The following MND1 variants were observed in gnomAD, a reference collection of about 807,000 sequenced individuals.
The protein encoded by MND1 is meiotic nuclear divisions 1.
In MND1, 28 loss-of-function variants were observed where a neutral mutation model predicts 35.1. That is an observed-to-expected ratio of 0.80 (90% CI 0.59 to 1.09). MND1 has a LOEUF of 1.09. MND1 is among the 50% of genes least tolerant of loss of function. The pLI, the probability that MND1 is intolerant of heterozygous loss-of-function variation, is 0.00. For missense variants in MND1, 213 were observed against 239.6 expected, an observed-to-expected ratio of 0.89 and a Z score of 0.73; for synonymous variants, 69 against 70.5, an observed-to-expected ratio of 0.98 and a Z score of 0.11.
chr4:153,363,396 G>C (rs1773546428), intron 4 of MND1, among the ~76,000 whole-genome samples: 1 of 152,048 alleles, frequency 6.6e-6, no homozygotes, highest in South Asian at 2.1e-4. Context: ...ATTTTTGGTA[G>C]AGACAGGGTT....
At position 153,358,548 on chromosome 4, in the gene MND1, TC is replaced by T. The variant is rs1303182237; in HGVS notation, c.203del (p.Ser68LeufsTer56). On this transcript the variant is annotated frameshift_variant, in exon 4 of 8. Coordinates refer to ENST00000240488, the MANE Select transcript of MND1 (RefSeq NM_032117.4). LOFTEE classifies it high-confidence loss of function. ...GMVDCERIGT[S>X]NYYWAFPSKA... is the part of the protein sequence containing the mutation. ...GGTTGACTGTGAGAGGATCGGAACT[TC>T]TAATTATTATTGGGCTTTTCCAAGT... 6.2e-7 allele frequency: 1 copy of T among 1,613,704 alleles called. No individual in the cohort carries two copies. The highest frequency in any genetic ancestry group is 1.7e-5 in the Admixed American group (1 of 60,002).
intron 4 of MND1, among the ~76,000 whole-genome samples, chr4:153,373,373 G>C (rs1039903222): frequency 6.6e-6 from 1 of 152,086 alleles, no homozygotes; most frequent in African/African-American, 2.4e-5. Context: ...GCATTTCTTG[G>C]TTGACTTCAG....
At chr4:153,400,408 G>GC (rs1272052148) in intron 6 of MND1, among the ~76,000 whole-genome samples, 18 of 151,856 alleles carry the variant, frequency 1.2e-4, no homozygotes, top group African/African-American at 3.1e-4. Context: ...CATCTTTTTT[G>GC]CAGGCACAGT....
At chr4:153,399,580 T>C (rs1401206766) in intron 6 of MND1, among the ~76,000 whole-genome samples, 3 of 152,140 alleles carry the variant, frequency 2.0e-5, no homozygotes, top group Non-Finnish European at 4.4e-5. Context: ...TCCTTGTAGG[T>C]CTGATTCGAG....
intron 6 of MND1, among the ~76,000 whole-genome samples, chr4:153,401,175 A>C (rs1210044708): frequency 1.3e-5 from 2 of 152,122 alleles, no homozygotes; most frequent in Non-Finnish European, 2.9e-5. Flanking sequence ...GGCCAAGGTG[A>C]GTGGATCACT....
intron 5 of MND1, among the ~76,000 whole-genome samples, chr4:153,395,429 C>T (rs897117942): frequency 1.4e-4 from 22 of 152,122 alleles, no homozygotes; most frequent in African/African-American, 3.9e-4. Context: ...ACATAGTTGC[C>T]GCCTGCAGAT....
At chr4:153,360,419 C>A (rs1773452378) in intron 4 of MND1, among the ~76,000 whole-genome samples, 1 of 151,898 alleles carries the variant, frequency 6.6e-6, no homozygotes, top group African/African-American at 2.4e-5. Context: ...AGATTTTCTC[C>A]TATGTTACCT....
intron 4 of MND1, among the ~76,000 whole-genome samples, chr4:153,363,490 G>A (rs181980621): frequency 2.0e-5 from 3 of 152,176 alleles, no homozygotes; most frequent in African/African-American, 7.2e-5. Context: ...AGGATTACAG[G>A]CATGAGCCAT....
intron 5 of MND1, among the ~76,000 whole-genome samples, chr4:153,395,211 A>G (rs1156342371): frequency 6.6e-6 from 1 of 152,240 alleles, no homozygotes; most frequent in Non-Finnish European, 1.5e-5. Context: ...TCTGGGCATA[A>G]CCTGAAGCTG....
At chr4:153,398,538 G>C (rs548734941) in intron 6 of MND1, among the ~76,000 whole-genome samples, 1 of 152,244 alleles carries the variant, frequency 6.6e-6, no homozygotes, top group South Asian at 2.1e-4. Flanking sequence ...ACTCCAGGAG[G>C]CACCATTCAC....
intron 6 of MND1, among the ~76,000 whole-genome samples, chr4:153,404,272 C>T (rs1729426502): frequency 6.8e-6 from 1 of 147,936 alleles, no homozygotes; most frequent in Non-Finnish European, 1.5e-5. Flanking sequence ...ACCTCCGCCT[C>T]CTGGGTTCAA....
At chr4:153,355,568 C>T in intron 2 of MND1, 86 bp from the exon 3 acceptor site, 1 of 747,480 alleles carries the variant, frequency 1.3e-6, no homozygotes, top group Non-Finnish European at 2.3e-6. Context: ...CTATTATGTA[C>T]CCATAATAAA....
chr4:153,395,933 C>T (rs1245734346), intron 5 of MND1, among the ~76,000 whole-genome samples: 1 of 151,996 alleles, frequency 6.6e-6, no homozygotes, highest in African/African-American at 2.4e-5. Context: ...CTGTATTGCC[C>T]AGGCTGCCCT....
At chr4:153,349,173 A>G (rs1233068097) in intron 1 of MND1, among the ~76,000 whole-genome samples, 1 of 144,834 alleles carries the variant, frequency 6.9e-6, no homozygotes, top group Non-Finnish European at 1.5e-5. Flanking sequence ...ATTTAGCTTT[A>G]TATATTCTAT....
chr4:153,384,649 G>A lies in MND1; in HGVS notation c.277-9613G>A, dbSNP rs570952283. Among the ~76,000 whole-genome samples, 74 of 151,832 alleles carry A rather than the reference G, an allele frequency of 4.9e-4. 2 individuals carry two copies. Among genetic ancestry groups the A allele is most frequent in the African/African-American group, 1.8e-3 (73 of 41,386 alleles). On this transcript the variant is annotated intron_variant, in intron 4 of 7. Transcript: ENST00000240488. Reference sequence around the variant, plus strand: ...AATCTAGTTGAGGTACTAGTCACTTGTTAGGCTCTGACTCTGCCTGACAGT... The same window carrying A: ...AATCTAGTTGAGGTACTAGTCACTTATTAGGCTCTGACTCTGCCTGACAGT...
At chr4:153,360,931 C>T (rs907920259) in intron 4 of MND1, among the ~76,000 whole-genome samples, 1 of 152,136 alleles carries the variant, frequency 6.6e-6, no homozygotes, top group Admixed American at 6.5e-5. Flanking sequence ...CCTCGACCTC[C>T]CAGGCCCAAG....
intron 4 of MND1, among the ~76,000 whole-genome samples, chr4:153,360,096 CT>C (rs553607229): frequency 3.9e-5 from 6 of 152,016 alleles, no homozygotes; most frequent in Non-Finnish European, 8.8e-5. Context: ...CCTGGAACAT[CT>C]TTTTTTATGC....
chr4:153,378,484 C>T (rs964321323), intron 4 of MND1, among the ~76,000 whole-genome samples: 1 of 152,094 alleles, frequency 6.6e-6, no homozygotes, highest in Admixed American at 6.5e-5. Flanking sequence ...CCTGGGTTGA[C>T]AAAGATAAAC....
intron 4 of MND1, among the ~76,000 whole-genome samples, chr4:153,384,523 C>G (rs1289903444): frequency 7.2e-6 from 1 of 139,474 alleles, no homozygotes; most frequent in Non-Finnish European, 1.5e-5. Context: ...AAACTCCTGG[C>G]CTCAACCGAT....
Sources: gnomAD v4.1 joint callset for allele counts (sites outside exome capture counted in the v4.1 genomes callset) on GRCh38, gnomAD v4.1.1 for gene constraint, MANE v1.5 for transcripts, NCBI Gene and HGNC (gene_info 2026-07-23, HGNC 2026-07-21) for gene names.